Variants in RBFOX1 observed in about 807,000 individuals in gnomAD.
RBFOX1 encodes RNA binding fox-1 homolog 1.
RBFOX1 carries 8 observed loss-of-function variants against 57.7 expected under a neutral mutation model. The ratio of observed to expected loss-of-function variants is 0.14; its 90% CI spans 0.08 to 0.25. The LOEUF is 0.25. Ranked by LOEUF, RBFOX1 falls within the 10% of genes least tolerant of loss-of-function variation. The pLI, the probability that RBFOX1 is intolerant of heterozygous loss-of-function variation, is 1.00. For missense variants in RBFOX1, 611 were observed against 548.5 expected (o/e 1.11, Z -1.14); for synonymous variants, 326 against 222.4 (o/e 1.47, Z -4.15).
At chr16:6,168,193 G>A (rs568657004) in intron 1 of RBFOX1, among the ~76,000 whole-genome samples, 1 of 152,256 alleles carries the variant, frequency 6.6e-6, no homozygotes, top group South Asian at 2.1e-4. Context: ...CCTGATATAC[G>A]TTGCTTAAGA....
At chr16:7,415,205 C>A (rs1466922883) in intron 4 of RBFOX1, among the ~76,000 whole-genome samples, 1 of 152,166 alleles carries the variant, frequency 6.6e-6, no homozygotes, top group Non-Finnish European at 1.5e-5. Flanking sequence ...CTTCAAATGT[C>A]CCAGAGGCAG....
chr16:6,167,841 G>C (rs1207734736), intron 1 of RBFOX1, among the ~76,000 whole-genome samples: 1 of 152,122 alleles, frequency 6.6e-6, no homozygotes, highest in Non-Finnish European at 1.5e-5. Context: ...AAGGCTTTGG[G>C]TGCTCCAAGC....
At position 6,394,758 on chromosome 16, in the gene RBFOX1, G is replaced by C. The variant is rs17529145; in HGVS notation, c.-64+77701G>C. On this transcript the variant is annotated intron_variant, in intron 2 of 15. Coordinates refer to ENST00000550418, the MANE Select transcript of RBFOX1 (RefSeq NM_018723.4). ...TCTGTGATTAGGTTCTTAGCCAAATGCTTGTCTACCAAAACAGCTCAGCCA... is the reference window on the plus strand; with the variant it reads ...TCTGTGATTAGGTTCTTAGCCAAATCCTTGTCTACCAAAACAGCTCAGCCA... 2.2e-3 allele frequency among the ~76,000 whole-genome samples: 341 copies of C among 152,102 alleles called. 1 individual carries two copies. The highest frequency in any genetic ancestry group is 3.5e-3 in the Non-Finnish European group (241 of 68,004).
At chr16:5,871,728 G>GA (rs1054342487) in intron 4 of RBFOX1, among the ~76,000 whole-genome samples, 4 of 149,780 alleles carry the variant, frequency 2.7e-5, no homozygotes, top group African/African-American at 4.9e-5. Flanking sequence ...GATGTTTGAG[G>GA]AAAAAAAAAA....
chr16:5,504,850 C>T, intron 2 of RBFOX1, among the ~76,000 whole-genome samples: 1 of 152,166 alleles, frequency 6.6e-6, no homozygotes, highest in Admixed American at 6.5e-5. Context: ...TTGCTGACCC[C>T]TGTGGAGAAG....
At chr16:7,292,941 G>A (rs1290838338) in intron 4 of RBFOX1, among the ~76,000 whole-genome samples, 1 of 151,876 alleles carries the variant, frequency 6.6e-6, no homozygotes, top group South Asian at 2.1e-4. Context: ...AGGAAACAGA[G>A]GATGAAGGGG....
chr16:5,479,889 C>T (rs944702981), intron 2 of RBFOX1, among the ~76,000 whole-genome samples: 14 of 152,192 alleles, frequency 9.2e-5, no homozygotes, highest in African/African-American at 3.4e-4. Context: ...GCATTTTGCT[C>T]AGATGCAGTG....
intron 3 of RBFOX1, among the ~76,000 whole-genome samples, chr16:5,746,680 T>C (rs2052994732): frequency 6.6e-6 from 1 of 152,218 alleles, no homozygotes; most frequent in Non-Finnish European, 1.5e-5. Flanking sequence ...GATTCCTAGA[T>C]ATTTTATTCT....
chr16:6,899,012 C>T (rs535751792), intron 3 of RBFOX1, among the ~76,000 whole-genome samples: 23 of 56,364 alleles, frequency 4.1e-4, no homozygotes, highest in South Asian at 2.3e-3. Flanking sequence ...TGTATGCATG[C>T]GCGTCTCTGT....
rs1567592051 is a variant in RBFOX1 at position 5,825,851 on chromosome 16, C to CTTAATAT, written c.319-41452_319-41451insTTAATAT. ...TTAATATGAATAAGGAATAATATTC[C>CTTAATAT]GTAATATGAATAAGGAATAATATTC... On this transcript the variant is annotated intron_variant, in intron 3 of 19. Coordinates refer to the RBFOX1 transcript ENST00000641259. Among the ~76,000 whole-genome samples the CTTAATAT allele has an allele frequency of 1.6e-4, 21 of 131,626 alleles. 4 individuals carry two copies. The highest frequency in any genetic ancestry group is 3.3e-4 in the African/African-American group (12 of 36,342). The allele number at this position is 131,626 out of a possible 152,430, so 86.4% of individuals were successfully genotyped here.
At chr16:5,941,997 A>G (rs2059288574) in intron 4 of RBFOX1, among the ~76,000 whole-genome samples, 1 of 151,548 alleles carries the variant, frequency 6.6e-6, no homozygotes, top group African/African-American at 2.4e-5. Context: ...CTGAAACCTG[A>G]GTGGAGGAAT....
chr16:6,399,212 C>G (rs1473353949), intron 2 of RBFOX1, among the ~76,000 whole-genome samples: 1 of 152,226 alleles, frequency 6.6e-6, no homozygotes, highest in Non-Finnish European at 1.5e-5. Flanking sequence ...CAGGGTGGCC[C>G]TGGGCCTGGC....
intron 1 of RBFOX1, among the ~76,000 whole-genome samples, chr16:6,129,406 G>T (rs74005144): frequency 2.4e-4 from 37 of 152,226 alleles, no homozygotes; most frequent in African/African-American, 8.7e-4. Context: ...CAGTTTAACA[G>T]TAGATTGAAG....
chr16:5,655,839 T>C (rs1295096519), intron 3 of RBFOX1, among the ~76,000 whole-genome samples: 1 of 152,184 alleles, frequency 6.6e-6, no homozygotes, highest in Non-Finnish European at 1.5e-5. Context: ...TTTGACTCTC[T>C]GTTTGTCTTT....
chr16:7,517,251 G>T (rs1276741908), intron 4 of RBFOX1, among the ~76,000 whole-genome samples: 1 of 151,132 alleles, frequency 6.6e-6, no homozygotes, highest in Non-Finnish European at 1.5e-5. Context: ...GGAAGCATTT[G>T]TATTCAGGTT....
chr16:5,692,455 A>G (rs543706536), intron 3 of RBFOX1, among the ~76,000 whole-genome samples: 35 of 152,232 alleles, frequency 2.3e-4, no homozygotes, highest in Admixed American at 2.0e-3. Context: ...ATCTTTCCCA[A>G]CTGAGACTCT....
chr16:5,304,701 A>G (rs966178064), intron 1 of RBFOX1, among the ~76,000 whole-genome samples: 23 of 152,208 alleles, frequency 1.5e-4, no homozygotes, highest in Admixed American at 1.3e-4. Flanking sequence ...AAGACAGAAG[A>G]AATAAGACTC....
chr16:6,583,578 G>C (rs1175461650), intron 2 of RBFOX1, among the ~76,000 whole-genome samples: 4 of 152,200 alleles, frequency 2.6e-5, no homozygotes, highest in African/African-American at 7.2e-5. Flanking sequence ...CTTGTTACCT[G>C]TCGCCTTTTT....
intron 2 of RBFOX1, among the ~76,000 whole-genome samples, chr16:6,586,630 G>C (rs1017865454): frequency 1.3e-5 from 2 of 152,254 alleles, no homozygotes; most frequent in African/African-American, 2.4e-5. Context: ...ACACTCTTCT[G>C]TATGCCATGT....
Sources: gnomAD v4.1 joint callset for allele counts (sites outside exome capture counted in the v4.1 genomes callset) on GRCh38, gnomAD v4.1.1 for gene constraint, MANE v1.5 for transcripts, NCBI Gene and HGNC (gene_info 2026-07-23, HGNC 2026-07-21) for gene names.